Variants in TSPAN15 observed in about 807,000 individuals in gnomAD.
TSPAN15 encodes tetraspanin-15.
A neutral mutation model predicts 34.5 loss-of-function variants in TSPAN15; 20 were observed. That is an observed-to-expected ratio of 0.58 (90% CI 0.41 to 0.84). The LOEUF (loss-of-function observed/expected upper bound fraction) is 0.84, where lower values mean the gene tolerates loss of function less well. TSPAN15 is among the 40% of genes least tolerant of loss of function. The pLI, the probability that TSPAN15 is intolerant of heterozygous loss-of-function variation, is 0.00. For synonymous variants in TSPAN15, 155 were observed against 153.9 expected (o/e 1.01, Z -0.05); for missense variants, 313 against 386.1 (o/e 0.81, Z 1.59).
At chr10:69,488,225 T>C (rs1196419718) in intron 3 of TSPAN15, among the ~76,000 whole-genome samples, 1 of 152,168 alleles carries the variant, frequency 6.6e-6, no homozygotes, top group Non-Finnish European at 1.5e-5. Context: ...TAATATCCCT[T>C]CCAACTCTAA....
At chr10:69,483,279 C>T (rs1157129001) in intron 1 of TSPAN15, among the ~76,000 whole-genome samples, 5 of 152,212 alleles carry the variant, frequency 3.3e-5, no homozygotes, top group African/African-American at 9.6e-5. Flanking sequence ...TGAGCCACCG[C>T]GCCCGGCCTG....
intron 3 of TSPAN15, chr10:69,494,763 T>G (rs1010628766): frequency 9.4e-5 from 93 of 985,284 alleles, no homozygotes; most frequent in Non-Finnish European, 1.1e-4. Flanking sequence ...GAATGCCCCC[T>G]TCGTCCCCAG....
At chr10:69,495,742 A>G in intron 4 of TSPAN15, 53 bp downstream of exon 4, 9 of 1,272,524 alleles carry the variant, frequency 7.1e-6, no homozygotes, top group Non-Finnish European at 1.0e-5. Context: ...TTAGCCCCCC[A>G]TTCAGGCCCC....
In TSPAN15 at chr10:69,495,661, A is replaced by G. The variant is rs1371629949; in HGVS notation, c.425A>G (p.Lys142Arg). 3.1e-6 allele frequency: 5 copies of G among 1,614,010 alleles called. No individual in the cohort carries two copies. Among genetic ancestry groups the G allele is most frequent in the South Asian group, 2.2e-5 (2 of 91,082 alleles). ...IENYYDDLDFKNIMDFVQKKF... is the reference protein window; with the variant it reads ...IENYYDDLDFRNIMDFVQKKF... ...AACTACTATGATGATCTGGACTTCA[A>G]AAACATCATGGACTTTGTTCAGAAA... Residue 142 changes from lysine to arginine, a missense_variant, in exon 4 of 8, where the codon AAA becomes AGA. Lys to Arg is a conservative substitution (Grantham distance 26). Transcript: ENST00000373290.
intron 3 of TSPAN15, chr10:69,494,622 T>G: frequency 2.0e-6 from 2 of 985,054 alleles, no homozygotes; most frequent in Non-Finnish European, 2.4e-6. Context: ...TGGTTCACAG[T>G]TGGGAAGCTG....
intron 1 of TSPAN15, among the ~76,000 whole-genome samples, chr10:69,454,629 CA>C (rs1841044177): frequency 6.6e-6 from 1 of 151,964 alleles, no homozygotes; most frequent in Non-Finnish European, 1.5e-5. Flanking sequence ...CCAGCCTGGG[CA>C]ACATGATGAA....
chr10:69,460,119 A>G (rs1460163064), intron 1 of TSPAN15, among the ~76,000 whole-genome samples: 7 of 152,022 alleles, frequency 4.6e-5, no homozygotes, highest in African/African-American at 1.7e-4. Flanking sequence ...CCCTGGGGGT[A>G]CTCAGCCTGC....
At chr10:69,543,844 A>AGTATGTGTGTGTGT in the TSPAN15 span, among the ~76,000 whole-genome samples, 12 of 73,808 alleles carry the variant, frequency 1.6e-4, no homozygotes, top group African/African-American at 6.3e-4. Context: ...GAAGAAGGGG[A>AGTATGTGTGTGTGT]GTGTGTGTGT....
chr10:69,454,259 T>A (rs1841035541), intron 1 of TSPAN15, among the ~76,000 whole-genome samples: 2 of 152,232 alleles, frequency 1.3e-5, no homozygotes. Context: ...GGCTCATGCT[T>A]GTAATCCCAG....
rs537718035 is a variant in TSPAN15 at position 69,507,042 on chromosome 10, G to A, written c.*64G>A. ...GGGATAGCACCTCTCAGTCAACATC[G>A]TGGGGCTGGACAGGGCTGCGGCCCC... On this transcript the variant is annotated 3_prime_UTR_variant, in exon 8 of 8. Coordinates refer to ENST00000373290, the MANE Select transcript of TSPAN15 (RefSeq NM_012339.5). 1.8e-5 allele frequency: 28 copies of A among 1,573,278 alleles called. No homozygotes were observed. The highest frequency in any genetic ancestry group is 2.2e-5 in the Non-Finnish European group (26 of 1,160,926).
downstream of TSPAN15, among the ~76,000 whole-genome samples, chr10:69,508,440 CAAAAAAAAAAAAAA>C (rs71009229): frequency 3.2e-5 from 2 of 62,156 alleles, no homozygotes; most frequent in Non-Finnish European, 5.8e-5. Context: ...GACTCCATCT[CAAAAAAAAAAAAAA>C]AAAAAAAAAA....
intron 3 of TSPAN15, among the ~76,000 whole-genome samples, chr10:69,488,829 A>ACAAAGATCACAAGGCAAAGGGCAAAAG: frequency 6.6e-6 from 1 of 152,332 alleles, no homozygotes; most frequent in East Asian, 1.9e-4. Context: ...TAAGGGTCCA[A>ACAAAGATCACAAGGCAAAGGGCAAAAG]CAAAGATCAC....
intron 1 of TSPAN15, among the ~76,000 whole-genome samples, chr10:69,457,047 C>T (rs1443525226): frequency 6.6e-6 from 1 of 152,192 alleles, no homozygotes; most frequent in Non-Finnish European, 1.5e-5. Flanking sequence ...CCTCCTTTTC[C>T]CACCACACAG....
At chr10:69,474,142 C>T (rs1157288148) in intron 1 of TSPAN15, among the ~76,000 whole-genome samples, 2 of 152,044 alleles carry the variant, frequency 1.3e-5, no homozygotes, top group Non-Finnish European at 2.9e-5. Flanking sequence ...GAGTTCCCTT[C>T]ATCTCTGCCC....
chr10:69,546,078 C>T, the TSPAN15 span, among the ~76,000 whole-genome samples: 1 of 152,196 alleles, frequency 6.6e-6, no homozygotes, highest in Non-Finnish European at 1.5e-5. Context: ...CTACCCATTC[C>T]TAGTCCGTAT....
chr10:69,456,900 G>A (rs761489559), intron 1 of TSPAN15, among the ~76,000 whole-genome samples: 1 of 152,178 alleles, frequency 6.6e-6, no homozygotes, highest in Non-Finnish European at 1.5e-5. Flanking sequence ...GGCTGCAAAA[G>A]GGTGTGTTTG....
intron 3 of TSPAN15, chr10:69,494,812 G>A (rs1842043234): frequency 6.1e-6 from 6 of 985,430 alleles, no homozygotes; most frequent in Non-Finnish European, 6.0e-6. Context: ...TGAAAGCTGC[G>A]ATTGTTACAG....
chr10:69,534,755 G>A, the TSPAN15 span, among the ~76,000 whole-genome samples: 1 of 151,544 alleles, frequency 6.6e-6, no homozygotes, highest in South Asian at 2.1e-4. Flanking sequence ...GGCTGAGGTG[G>A]GAGGATTGTC....
chr10:69,455,628 C>CTCCGCCCCCCG (rs1554830581), intron 1 of TSPAN15, among the ~76,000 whole-genome samples: 1 of 114,500 alleles, frequency 8.7e-6, no homozygotes, highest in Admixed American at 8.6e-5. Context: ...CTCTCTCTCC[C>CTCCGCCCCCCG]CCCCCCGTCT....
Sources: gnomAD v4.1 joint callset for allele counts (sites outside exome capture counted in the v4.1 genomes callset) on GRCh38, gnomAD v4.1.1 for gene constraint, MANE v1.5 for transcripts, NCBI Gene and HGNC (gene_info 2026-07-23, HGNC 2026-07-21) for gene names.